The following NRCAM variants were observed in gnomAD, a reference collection of about 807,000 sequenced individuals.
NRCAM encodes the protein neuronal cell adhesion molecule.
In NRCAM, 83 loss-of-function variants were observed where a neutral mutation model predicts 156.5. That is an observed-to-expected ratio of 0.53 (90% CI 0.44 to 0.64). The LOEUF (loss-of-function observed/expected upper bound fraction) is 0.64, where lower values mean the gene tolerates loss of function less well. Among genes scored for constraint, NRCAM ranks in the 30% least tolerant of loss-of-function variants. NRCAM has a pLI of 0.00. For missense variants in NRCAM, 1,417 were observed against 1,597.3 expected (o/e 0.89, Z 1.92); for synonymous variants, 538 against 563.9 (o/e 0.95, Z 0.65).
At chr7:108,294,386 T>G (rs559725950) in intron 3 of NRCAM, among the ~76,000 whole-genome samples, 1 of 152,142 alleles carries the variant, frequency 6.6e-6, no homozygotes, top group East Asian at 1.9e-4. Flanking sequence ...ACACCCCTCT[T>G]TCTCCCTGTT....
rs1258654978 is a variant in NRCAM, at chr7:108,249,531, G to A, written c.-106-9361C>T. ...GCCTTTATAAAAAAAAATAATCAACGAGTGGCCATTTGTTTGCAAGAAAAT... is the reference window on the plus strand; with the variant it reads ...GCCTTTATAAAAAAAAATAATCAACAAGTGGCCATTTGTTTGCAAGAAAAT... On this transcript the variant is annotated intron_variant, in intron 3 of 32. Coordinates refer to ENST00000379028, the MANE Select transcript of NRCAM (RefSeq NM_001037132.4). 2.6e-5 allele frequency among the ~76,000 whole-genome samples: 4 copies of A among 152,056 alleles called. No individual in the cohort carries two copies. The East Asian group carries it at 7.7e-4, about 29-fold the overall frequency.
intron 2 of NRCAM, among the ~76,000 whole-genome samples, chr7:108,347,168 G>T (rs952660177): frequency 6.7e-6 from 1 of 149,852 alleles, no homozygotes; most frequent in African/African-American, 2.4e-5. Flanking sequence ...CTCCCAAGTA[G>T]CTGGGACTAC....
chr7:108,198,645 A>T (rs1458414316), intron 13 of NRCAM, among the ~76,000 whole-genome samples: 2 of 152,260 alleles, frequency 1.3e-5, no homozygotes, highest in Non-Finnish European at 2.9e-5. Flanking sequence ...AAAAATATAG[A>T]AACACTCCAG....
chr7:108,220,672 T>C (rs754757771), intron 11 of NRCAM, among the ~76,000 whole-genome samples: 2 of 152,168 alleles, frequency 1.3e-5, no homozygotes, highest in African/African-American at 4.8e-5. Flanking sequence ...TGGATGTTCA[T>C]CTCTCACCTT....
intron 1 of NRCAM, among the ~76,000 whole-genome samples, chr7:108,439,482 C>T (rs897967814): frequency 6.6e-6 from 1 of 152,088 alleles, no homozygotes; most frequent in South Asian, 2.1e-4. Context: ...GAATATGCTC[C>T]ACGTTATTAG....
intron 5 of NRCAM, 131 bp downstream of exon 5, chr7:108,237,621 T>C (rs1240963900): frequency 3.5e-6 from 2 of 572,078 alleles, no homozygotes; most frequent in Non-Finnish European, 5.7e-6. Flanking sequence ...TTAGCTACAG[T>C]AAACACACAT....
intron 30 of NRCAM, among the ~76,000 whole-genome samples, chr7:108,161,441 T>C (rs1327299666): frequency 6.6e-6 from 1 of 152,266 alleles, no homozygotes; most frequent in African/African-American, 2.4e-5. Flanking sequence ...TCAATGGCTA[T>C]TCAGACATGC....
At chr7:108,386,046 T>C (rs1479553348) in intron 2 of NRCAM, among the ~76,000 whole-genome samples, 1 of 152,038 alleles carries the variant, frequency 6.6e-6, no homozygotes, top group Non-Finnish European at 1.5e-5. Context: ...TCAGTTCCGC[T>C]TGGTTTCTTT....
chr7:108,422,705 T>C lies in NRCAM; in HGVS notation c.-331-23112A>G, dbSNP rs75191391. On this transcript the variant is annotated intron_variant, in intron 1 of 32. Transcript: ENST00000379028. Reference sequence around the variant, plus strand: ...ATAAAGAAAGTCCTACTAAGAACAGTGCCAGGCATTGAGAAGGTGCTTAAT... The same window carrying C: ...ATAAAGAAAGTCCTACTAAGAACAGCGCCAGGCATTGAGAAGGTGCTTAAT... Among the ~76,000 whole-genome samples the C allele has an allele frequency of 5.6e-3, 857 of 152,264 alleles. 9 individuals carry two copies. The highest frequency in any genetic ancestry group is 0.018 in the African/African-American group (729 of 41,550).
chr7:108,205,040 A>T (rs1210233073), intron 13 of NRCAM, among the ~76,000 whole-genome samples: 1 of 152,230 alleles, frequency 6.6e-6, no homozygotes, highest in East Asian at 1.9e-4. Context: ...GAGGCACTGC[A>T]TACTCTGGTA....
chr7:108,332,946 G>C (rs1482117169), intron 2 of NRCAM, among the ~76,000 whole-genome samples: 1 of 152,164 alleles, frequency 6.6e-6, no homozygotes, highest in Non-Finnish European at 1.5e-5. Context: ...AAAGGAGGTT[G>C]TAAAACATAA....
chr7:108,224,978 A>ACTT (rs1274304401), intron 10 of NRCAM, among the ~76,000 whole-genome samples: 1 of 152,194 alleles, frequency 6.6e-6, no homozygotes, highest in African/African-American at 2.4e-5. Context: ...CCTTATGGAT[A>ACTT]ATTAAGAGGA....
At chr7:108,426,258 A>G (rs1226357000) in intron 1 of NRCAM, among the ~76,000 whole-genome samples, 1 of 152,258 alleles carries the variant, frequency 6.6e-6, no homozygotes, top group African/African-American at 2.4e-5. Flanking sequence ...TTATAAATGT[A>G]TATGCACCCC....
intron 32 of NRCAM, among the ~76,000 whole-genome samples, chr7:108,157,933 C>A (rs1218883950): frequency 1.3e-5 from 2 of 151,996 alleles, no homozygotes; most frequent in Non-Finnish European, 2.9e-5. Context: ...TTTGCTTCAT[C>A]ACAATACATA....
chr7:108,165,954 A>G (rs2053838609), intron 30 of NRCAM, among the ~76,000 whole-genome samples: 1 of 152,234 alleles, frequency 6.6e-6, no homozygotes, highest in African/African-American at 2.4e-5. Context: ...AAATGTAAGT[A>G]AGCAGGGATT....
intron 25 of NRCAM, 138 bp from the exon 26 acceptor site, chr7:108,178,250 G>A: frequency 1.3e-6 from 1 of 752,590 alleles, no homozygotes; most frequent in South Asian, 2.0e-5. Context: ...AAATACATTA[G>A]TACAAACCTG....
chr7:108,150,650 T>A (rs745557268), intron 32 of NRCAM: 1 of 508,720 alleles, frequency 2.0e-6, no homozygotes, highest in Non-Finnish European at 3.9e-6. Context: ...GCATTTCAAA[T>A]AATTTTGTTA....
chr7:108,347,378 A>AT (rs2099365908), intron 2 of NRCAM, among the ~76,000 whole-genome samples: 1 of 152,120 alleles, frequency 6.6e-6, no homozygotes, highest in Non-Finnish European at 1.5e-5. Context: ...TTTACAATGT[A>AT]TCTCAAGGAA....
rs1292908648 is a variant in NRCAM, at chr7:108,176,569, C to T, written c.3012G>A (p.Leu1004=). ...STHELGPLVD[L]KIPANKTRWT... ...ACCGTGTCTTGTTGGCAGGAATTTTCAAATCTACCAGAGGGCCTAATTCAT... is the reference window on the plus strand; with the variant it reads ...ACCGTGTCTTGTTGGCAGGAATTTTTAAATCTACCAGAGGGCCTAATTCAT... Residue 1004 remains leucine, a synonymous_variant, in exon 27 of 33, where the codon TTG becomes TTA. Coordinates refer to ENST00000379028, the MANE Select transcript of NRCAM (RefSeq NM_001037132.4). 4.3e-6 allele frequency: 7 copies of T among 1,613,590 alleles called. No individual in the cohort carries two copies. Among genetic ancestry groups the T allele is most frequent in the Non-Finnish European group, 5.9e-6 (7 of 1,179,788 alleles).
Sources: allele counts gnomAD v4.1 joint callset (sites outside exome capture counted in the v4.1 genomes callset), GRCh38; gene constraint gnomAD v4.1.1; transcripts MANE v1.5; gene names NCBI Gene and HGNC (gene_info 2026-07-23, HGNC 2026-07-21).